Variants in KIAA0232 observed in about 807,000 individuals in gnomAD.
KIAA0232 encodes the protein KIAA0232, also known as uncharacterized protein KIAA0232.
Under a neutral mutation model 122.0 loss-of-function variants are expected in KIAA0232, and 27 were observed. That is an observed-to-expected ratio of 0.22 (90% CI 0.16 to 0.31). The LOEUF is 0.31. KIAA0232 is among the 10% of genes least tolerant of loss of function. The pLI is 1.00. For missense variants in KIAA0232, 1,551 were observed against 1,634.2 expected (o/e 0.95, Z 0.88); for synonymous variants, 613 against 587.6 (o/e 1.04, Z -0.63).
intron 7 of KIAA0232, among the ~76,000 whole-genome samples, chr4:6,871,118 T>G (rs1468249261): frequency 6.6e-6 from 1 of 152,146 alleles, no homozygotes; most frequent in Non-Finnish European, 1.5e-5. Context: ...TAAAATGCAC[T>G]TTTTTTCAGA....
At position 6,861,392 on chromosome 4, in the gene KIAA0232, A is replaced by G. The variant is rs1457129427; in HGVS notation, c.1010A>G (p.Lys337Arg). The G allele has an allele frequency of 1.9e-6, 3 of 1,614,234 alleles. No individual in the cohort carries two copies. In the East Asian group the frequency reaches 6.7e-5, roughly 36 times the overall value. The change falls in exon 7 of 10, where the codon AAG becomes AGG. Residue 337 changes from lysine (K) to arginine (R), a missense_variant. Around this residue, in one of 5 missense-constraint regions of KIAA0232, gnomAD observed 377 missense variants for 381.7 expected, o/e 0.99. Transcript: ENST00000307659. The part of the protein sequence containing the change: ...GRNGQSRLSL[K>R]HGEKAERNIH... ...AATGGGCAAAGCAGGCTTTCTTTGA[A>G]GCACGGTGAAAAGGCTGAAAGGAAC...
At chr4:6,836,038 C>T (rs1439164077) in intron 3 of KIAA0232, among the ~76,000 whole-genome samples, 2 of 152,214 alleles carry the variant, frequency 1.3e-5, no homozygotes, top group African/African-American at 2.4e-5. Flanking sequence ...CTTGAGGGAT[C>T]GCCACACTGT....
intron 4 of KIAA0232, 132 bp from the exon 5 acceptor site, chr4:6,857,032 G>T: frequency 1.8e-6 from 1 of 544,592 alleles, no homozygotes. Context: ...TAGTATTCAC[G>T]TAAATATTGG....
chr4:6,879,142 G>A (rs1036991230), intron 9 of KIAA0232, among the ~76,000 whole-genome samples: 2 of 152,062 alleles, frequency 1.3e-5, no homozygotes, highest in African/African-American at 4.8e-5. Flanking sequence ...AGCTGCCATG[G>A]TCTTTTCATT....
chr4:6,791,234 T>C (rs984092632), intron 1 of KIAA0232, among the ~76,000 whole-genome samples: 1 of 151,628 alleles, frequency 6.6e-6, no homozygotes. Flanking sequence ...TTATATACTT[T>C]AAAGTTTAAA....
intron 7 of KIAA0232, among the ~76,000 whole-genome samples, chr4:6,864,596 A>C (rs1184313019): frequency 6.6e-6 from 1 of 151,840 alleles, no homozygotes; most frequent in Non-Finnish European, 1.5e-5. Flanking sequence ...AAAATTACCC[A>C]GGCGTGGTGG....
intron 1 of KIAA0232, among the ~76,000 whole-genome samples, chr4:6,784,264 A>G (rs1171132276): frequency 6.6e-6 from 1 of 152,080 alleles, no homozygotes; most frequent in African/African-American, 2.4e-5. Context: ...TGTTTTAAAA[A>G]CTGTTAGAAA....
intron 2 of KIAA0232, among the ~76,000 whole-genome samples, chr4:6,823,571 T>C (rs1245860296): frequency 6.6e-6 from 1 of 152,218 alleles, no homozygotes; most frequent in Non-Finnish European, 1.5e-5. Context: ...ATTACTTATA[T>C]AAAACATAAA....
At chr4:6,797,231 C>G (rs1223041353) in intron 1 of KIAA0232, among the ~76,000 whole-genome samples, 1 of 152,190 alleles carries the variant, frequency 6.6e-6, no homozygotes, top group East Asian at 1.9e-4. Context: ...CTTACTTAGG[C>G]CTTGCCAGGG....
At chr4:6,832,502 C>G (rs983751063) in intron 3 of KIAA0232, among the ~76,000 whole-genome samples, 6 of 152,086 alleles carry the variant, frequency 3.9e-5, no homozygotes, top group Non-Finnish European at 8.8e-5. Context: ...GCGCCCACCA[C>G]CACACCTGGC....
intron 1 of KIAA0232, among the ~76,000 whole-genome samples, chr4:6,800,039 C>CTTTTTTTTTTTTTTTTTT (rs1717310962): frequency 1.5e-5 from 1 of 67,304 alleles, no homozygotes; most frequent in Non-Finnish European, 3.1e-5. Context: ...TTCTTTCTTT[C>CTTTTTTTTTTTTTTTTTT]TTTCTTTTTT....
rs79994948 is a variant in KIAA0232 at position 6,824,122 on chromosome 4, A to G, written c.-269-63A>G. ...ACAGTTTATTTGATTTTTTTTCCTCAAAAGGTCAATAATTTATTATTTATA... is the reference window on the plus strand; with the variant it reads ...ACAGTTTATTTGATTTTTTTTCCTCGAAAGGTCAATAATTTATTATTTATA... On this transcript the variant is annotated intron_variant, in intron 2 of 9. Transcript: ENST00000307659. The G allele has an allele frequency of 2.9e-5, 12 of 418,800 alleles. No individual in the cohort carries two copies. The East Asian group carries it at 3.4e-4, about 12-fold the overall frequency. The allele number at this position is 418,800 out of a possible 1,614,324, so 25.9% of individuals were successfully genotyped here.
chr4:6,815,376 G>T (rs567383590), intron 2 of KIAA0232, among the ~76,000 whole-genome samples: 1 of 152,272 alleles, frequency 6.6e-6, no homozygotes, highest in Admixed American at 6.5e-5. Context: ...TCTCCTTTCA[G>T]TTCACAACTA....
At position 6,847,029 on chromosome 4, in the gene KIAA0232, C is replaced by T. The variant is rs145860849; in HGVS notation, c.369+4825C>T. ...ACCACTAACAGTTCAAGTTTATAAT[C>T]TAGTAGATTAAAATGCTAATGGCAA... On this transcript the variant is annotated intron_variant, in intron 4 of 9. Transcript: ENST00000307659. Among the ~76,000 whole-genome samples, 1,052 of 151,890 alleles carry T rather than the reference C, an allele frequency of 6.9e-3. 12 individuals carry two copies. The highest frequency in any genetic ancestry group is 0.024 in the African/African-American group (1,008 of 41,386).
rs768015476 is a variant in KIAA0232, at chr4:6,863,823, G to A, written c.3441G>A (p.Pro1147=). The A allele has an allele frequency of 8.7e-6, 14 of 1,613,962 alleles. No individual in the cohort carries two copies. Among genetic ancestry groups the A allele is most frequent in the Admixed American group, 8.3e-5 (5 of 59,990 alleles). ...CTCAAGTTGATATATTTGAAGATCCGCAGGCAGATCTCAAACCTTTGGAAG... is the reference window on the plus strand; with the variant it reads ...CTCAAGTTGATATATTTGAAGATCCACAGGCAGATCTCAAACCTTTGGAAG... ...IPSQVDIFED[P]QADLKPLEED... is the part of the protein sequence containing the mutation. Residue 1147 remains proline (P), a synonymous_variant, in exon 7 of 10, where the codon CCG becomes CCA. Transcript: ENST00000307659.
intron 7 of KIAA0232, among the ~76,000 whole-genome samples, chr4:6,868,830 C>T (rs928435908): frequency 5.3e-5 from 8 of 152,082 alleles, no homozygotes; most frequent in Non-Finnish European, 1.0e-4. Flanking sequence ...TAGTATAAAA[C>T]GGGACAAATA....
chr4:6,803,036 C>T (rs937090987), intron 1 of KIAA0232, among the ~76,000 whole-genome samples: 1 of 136,228 alleles, frequency 7.3e-6, no homozygotes, highest in Admixed American at 8.2e-5. Flanking sequence ...AAAAAAAAGC[C>T]AGGTTTGGTG....
At chr4:6,792,695 G>GTT (rs370810631) in intron 1 of KIAA0232, among the ~76,000 whole-genome samples, 2,495 of 125,232 alleles carry the variant, frequency 0.02, 66 homozygotes, top group Non-Finnish European at 0.027. Flanking sequence ...TTTTTTTTTT[G>GTT]TTTTTTTTTT....
chr4:6,784,753 A>G (rs1716539981), intron 1 of KIAA0232, among the ~76,000 whole-genome samples: 1 of 152,222 alleles, frequency 6.6e-6, no homozygotes, highest in Admixed American at 6.5e-5. Flanking sequence ...CAGTTTTTAA[A>G]CATTGAAGGG....
Sources: gnomAD v4.1 joint callset for allele counts (sites outside exome capture counted in the v4.1 genomes callset) on GRCh38, gnomAD v4.1.1 for gene constraint, gnomAD v4.1.1 regional missense constraint, MANE v1.5 for transcripts, NCBI Gene and HGNC (gene_info 2026-07-23, HGNC 2026-07-21) for gene names.